The following FBXL7 variants were observed in gnomAD, a reference collection of about 807,000 sequenced individuals.
FBXL7 encodes the protein F-box and leucine rich repeat protein 7.
In FBXL7, 12 loss-of-function variants were observed where a neutral mutation model predicts 38.3. The observed-to-expected ratio is 0.31, with a 90% CI of 0.20 to 0.51. The LOEUF (loss-of-function observed/expected upper bound fraction) is 0.51. Among genes scored for constraint, FBXL7 ranks in the 20% least tolerant of loss-of-function variants. The probability of loss-of-function intolerance (pLI) is 0.98; values close to 1 mark genes in which losing one functional copy is unlikely to be tolerated. For missense variants in FBXL7, 567 were observed against 676.4 expected, an observed-to-expected ratio of 0.84 and a Z score of 1.79; for synonymous variants, 297 against 300.9, an observed-to-expected ratio of 0.99 and a Z score of 0.13.
intron 2 of FBXL7, among the ~76,000 whole-genome samples, chr5:15,857,191 T>C (rs1047804742): frequency 6.6e-6 from 1 of 152,058 alleles, no homozygotes; most frequent in Non-Finnish European, 1.5e-5. Context: ...CTGAGAGGGG[T>C]AGGGGTTTGC....
chr5:15,919,468 G>A (rs1432972353), intron 2 of FBXL7, among the ~76,000 whole-genome samples: 1 of 151,816 alleles, frequency 6.6e-6, no homozygotes, highest in Non-Finnish European at 1.5e-5. Context: ...TACTTTTTTG[G>A]TACTCTACAC....
intron 2 of FBXL7, among the ~76,000 whole-genome samples, chr5:15,652,467 C>T (rs184441661): frequency 6.6e-5 from 10 of 152,284 alleles, no homozygotes; most frequent in East Asian, 5.8e-4. Flanking sequence ...GGGCTTTCAC[C>T]GTGTTAGCCC....
chr5:15,818,739 TGTGTGAGAGA>T (rs141289635), intron 2 of FBXL7, among the ~76,000 whole-genome samples: 44,174 of 107,940 alleles, frequency 0.41, 8,079 homozygotes, highest in Non-Finnish European at 0.5. Flanking sequence ...TGTGTGTGTG[TGTGTGAGAGA>T]GAGAGAGATT....
intron 2 of FBXL7, among the ~76,000 whole-genome samples, chr5:15,738,416 A>G (rs923349414): frequency 6.6e-6 from 1 of 152,208 alleles, no homozygotes; most frequent in Non-Finnish European, 1.5e-5. Context: ...GTGGTTTCCC[A>G]GAGGTTGTGA....
At chr5:15,662,300 TG>T (rs1192509496) in intron 2 of FBXL7, among the ~76,000 whole-genome samples, 1 of 152,238 alleles carries the variant, frequency 6.6e-6, no homozygotes, top group Non-Finnish European at 1.5e-5. Flanking sequence ...TGTCTTCTTT[TG>T]AAAAGTGTCC....
At chr5:15,777,567 A>G (rs1042708619) in intron 2 of FBXL7, among the ~76,000 whole-genome samples, 1 of 151,890 alleles carries the variant, frequency 6.6e-6, no homozygotes, top group Non-Finnish European at 1.5e-5. Flanking sequence ...GACTTATAAA[A>G]TATTATCCAC....
intron 2 of FBXL7, among the ~76,000 whole-genome samples, chr5:15,754,307 A>G (rs1736234164): frequency 6.6e-6 from 1 of 152,192 alleles, no homozygotes; most frequent in African/African-American, 2.4e-5. Flanking sequence ...GTAGAACTGA[A>G]TAAGAGCAGA....
chr5:15,863,027 G>C (rs1047946379), intron 2 of FBXL7, among the ~76,000 whole-genome samples: 1 of 152,200 alleles, frequency 6.6e-6, no homozygotes, highest in African/African-American at 2.4e-5. Flanking sequence ...GTATGGGTGT[G>C]TGTACACTGC....
At chr5:15,515,460 G>C (rs1736908773) in intron 1 of FBXL7, among the ~76,000 whole-genome samples, 1 of 152,172 alleles carries the variant, frequency 6.6e-6, no homozygotes, top group South Asian at 2.1e-4. Context: ...GATGGGTCTA[G>C]AGACCATTTG....
intron 1 of FBXL7, among the ~76,000 whole-genome samples, chr5:15,528,950 C>A (rs906580132): frequency 6.6e-6 from 1 of 151,832 alleles, no homozygotes; most frequent in African/African-American, 2.4e-5. Flanking sequence ...ATAAAATCTA[C>A]TCTCTTAGCA....
intron 2 of FBXL7, among the ~76,000 whole-genome samples, chr5:15,813,547 A>G (rs914579732): frequency 2.0e-4 from 31 of 152,196 alleles, no homozygotes; most frequent in African/African-American, 7.2e-4. Flanking sequence ...CACCAAAAGC[A>G]ATGGCAACAA....
intron 2 of FBXL7, 99 bp from the exon 3 acceptor site, chr5:15,927,777 AAAAAAAAAAAGAAG>A: frequency 1.2e-6 from 1 of 800,556 alleles, no homozygotes; most frequent in Non-Finnish European, 1.6e-6. Context: ...AAAAAAAAAA[AAAAAAAAAAAGAAG>A]AAGAAAGAAA....
rs1318336410 is a variant in FBXL7 at position 15,500,590 on chromosome 5, C to G, written c.-87C>G. 6.3e-7 allele frequency: 1 copy of G among 1,581,556 alleles called. No homozygotes were observed. The highest frequency in any genetic ancestry group is 1.3e-5 in the African/African-American group (1 of 74,254). On this transcript the variant is annotated 5_prime_UTR_variant, in exon 1 of 4. Transcript: ENST00000504595. ...GGGGATGTGCAGCTAACGGTCCCGT[C>G]GGGCGGGCTTTCCTCGGGCCGAGCG...
At chr5:15,619,622 A>T (rs1374561508) in intron 2 of FBXL7, among the ~76,000 whole-genome samples, 1 of 152,192 alleles carries the variant, frequency 6.6e-6, no homozygotes, top group Non-Finnish European at 1.5e-5. Flanking sequence ...TCACCTCTGA[A>T]TTCGCCAATA....
chr5:15,852,185 T>C (rs1412555272), intron 2 of FBXL7, among the ~76,000 whole-genome samples: 2 of 152,204 alleles, frequency 1.3e-5, no homozygotes, highest in African/African-American at 4.8e-5. Flanking sequence ...TTGGTTACAA[T>C]GGAAACAGAA....
At chr5:15,738,107 C>T (rs1561106538) in intron 2 of FBXL7, among the ~76,000 whole-genome samples, 4 of 152,022 alleles carry the variant, frequency 2.6e-5, no homozygotes, top group East Asian at 1.9e-4. Context: ...ACACATTCTA[C>T]GAGGGAGGAG....
At chr5:15,772,667 A>G (rs2964269) in intron 2 of FBXL7, among the ~76,000 whole-genome samples, 80,712 of 151,992 alleles carry the variant, frequency 0.53, 21,912 homozygotes, top group East Asian at 0.67. Context: ...AAAAAATGGC[A>G]TATATTATAT....
chr5:15,622,367 A>G (rs1419504948), intron 2 of FBXL7, among the ~76,000 whole-genome samples: 3 of 151,818 alleles, frequency 2.0e-5, no homozygotes, highest in Non-Finnish European at 4.4e-5. Flanking sequence ...TACATGTGCC[A>G]TGTTGGTGTG....
chr5:15,826,380 T>C (rs1200208628), intron 2 of FBXL7, among the ~76,000 whole-genome samples: 1 of 152,174 alleles, frequency 6.6e-6, no homozygotes, highest in East Asian at 1.9e-4. Context: ...TAGAATTCCA[T>C]CTTTTAAGTA....
Sources: allele counts gnomAD v4.1 joint callset (sites outside exome capture counted in the v4.1 genomes callset), GRCh38; gene constraint gnomAD v4.1.1; transcripts MANE v1.5; gene names NCBI Gene and HGNC (gene_info 2026-07-23, HGNC 2026-07-21).